Variants in PCDHGA9 observed in about 807,000 individuals in gnomAD.
PCDHGA9 encodes protocadherin gamma-A9.
A neutral mutation model predicts 62.5 loss-of-function variants in PCDHGA9; 37 were observed. The observed-to-expected ratio is 0.59, with a 90% CI of 0.46 to 0.78. PCDHGA9 has a LOEUF of 0.78. Among genes scored for constraint, PCDHGA9 ranks in the 30% least tolerant of loss-of-function variants. PCDHGA9 has a pLI of 0.00. For synonymous variants in PCDHGA9, 459 were observed against 484.6 expected, an observed-to-expected ratio of 0.95 and a Z score of 0.69; for missense variants, 1,138 against 1,166.2, an observed-to-expected ratio of 0.98 and a Z score of 0.35.
At chr5:141,464,000 T>C (rs1045842127) in intron 1 of PCDHGA9, among the ~76,000 whole-genome samples, 15 of 152,158 alleles carry the variant, frequency 9.9e-5, no homozygotes, top group Non-Finnish European at 1.3e-4. Context: ...GTGCAGTGGC[T>C]CATGCTTGTA....
intron 1 of PCDHGA9, among the ~76,000 whole-genome samples, chr5:141,439,341 G>A (rs1464427300): frequency 6.6e-6 from 1 of 152,166 alleles, no homozygotes; most frequent in East Asian, 1.9e-4. Context: ...AAGATTCTAA[G>A]CCTACAAATA....
intron 1 of PCDHGA9, chr5:141,421,256 G>A (rs1205670837): frequency 1.2e-6 from 2 of 1,607,696 alleles, no homozygotes; most frequent in African/African-American, 1.3e-5. Flanking sequence ...CGCGGGGACC[G>A]CAGTCGGCTG....
At chr5:141,415,482 G>A in intron 1 of PCDHGA9, 1 of 1,614,218 alleles carries the variant, frequency 6.2e-7, no homozygotes, top group Non-Finnish European at 8.5e-7. Flanking sequence ...ACTCGCGAAA[G>A]AGTCACCTGA....
intron 3 of PCDHGA9, 89 bp from the exon 4 acceptor site, chr5:141,510,858 T>C (rs992991460): frequency 5.8e-5 from 93 of 1,606,182 alleles, no homozygotes; most frequent in South Asian, 1.0e-4. Flanking sequence ...GGGTGCTGTA[T>C]AGGCATTCAT....
intron 1 of PCDHGA9, chr5:141,418,683 CAG>C: frequency 6.2e-7 from 1 of 1,614,048 alleles, no homozygotes; most frequent in African/African-American, 1.3e-5. Flanking sequence ...GGCATCAACT[CAG>C]AGATCACTTA....
At chr5:141,455,020 G>A (rs201196115) in intron 1 of PCDHGA9, among the ~76,000 whole-genome samples, 1 of 151,166 alleles carries the variant, frequency 6.6e-6, no homozygotes, top group African/African-American at 2.4e-5. Context: ...CACCGTGTTA[G>A]CCAGGATGGT....
chr5:141,450,985 C>T (rs533993975), intron 1 of PCDHGA9, among the ~76,000 whole-genome samples: 22 of 151,876 alleles, frequency 1.4e-4, no homozygotes, highest in African/African-American at 3.9e-4. Flanking sequence ...CCACCACACC[C>T]GGCTAATTTT....
At chr5:141,474,920 C>A (rs1363277892) in intron 1 of PCDHGA9, among the ~76,000 whole-genome samples, 2 of 152,232 alleles carry the variant, frequency 1.3e-5, no homozygotes, top group Admixed American at 6.5e-5. Context: ...TACATCTCAT[C>A]TCTGGCTTAT....
chr5:141,478,445 G>C (rs773567457), intron 1 of PCDHGA9: 1 of 1,613,570 alleles, frequency 6.2e-7, no homozygotes, highest in Non-Finnish European at 8.5e-7. Flanking sequence ...GAAGAAACCT[G>C]GTGCAGCCAG....
intron 1 of PCDHGA9, among the ~76,000 whole-genome samples, chr5:141,454,796 ATTTTTTTTT>A (rs61612330): frequency 1.2e-4 from 9 of 77,408 alleles, no homozygotes; most frequent in Admixed American, 5.4e-4. Context: ...CATGGTTCTA[ATTTTTTTTT>A]TTTTTTTTTT....
intron 1 of PCDHGA9, chr5:141,408,948 T>C (rs768951087): frequency 6.2e-7 from 1 of 1,613,478 alleles, no homozygotes; most frequent in Non-Finnish European, 8.5e-7. Context: ...GAATATAGAA[T>C]TAGTCTTAGT....
intron 1 of PCDHGA9, among the ~76,000 whole-genome samples, chr5:141,474,082 CA>C (rs1449032579): frequency 1.3e-5 from 2 of 151,946 alleles, no homozygotes; most frequent in Non-Finnish European, 2.9e-5. Flanking sequence ...AAACAAAAAC[CA>C]AAAAACAAAC....
chr5:141,478,244 T>C lies in PCDHGA9; in HGVS notation c.2425-16563T>C, dbSNP rs758993366. ...TTCTGTGGGGTTTGTGGTCACAGTG[T>C]TCGGAGTAATCATATTCAAAGTTTA... On this transcript the variant is annotated intron_variant, in intron 1 of 3. Coordinates refer to ENST00000573521, the MANE Select transcript of PCDHGA9 (RefSeq NM_018921.3). 5 of 1,614,132 alleles carry C rather than the reference T, an allele frequency of 3.1e-6. No individual in the cohort carries two copies. In the South Asian group the frequency reaches 4.4e-5, roughly 14 times the overall value.
chr5:141,490,808 A>C lies in PCDHGA9; in HGVS notation c.2425-3999A>C. On this transcript the variant is annotated intron_variant, in intron 1 of 3. Coordinates refer to ENST00000573521, the MANE Select transcript of PCDHGA9 (RefSeq NM_018921.3). The surrounding 1 kb of genome is among the most constrained non-coding windows in gnomAD (Gnocchi z 5.4). The stretch of plus-strand genomic sequence containing the variant: ...CGGATCTTTGCCCAGCGTACCTTTG[A>C]CTATGAATTGCTGCAGATGCTGCAG... 1 of 1,613,884 alleles carries C rather than the reference A, an allele frequency of 6.2e-7. No homozygotes were observed. The highest frequency in any genetic ancestry group is 8.5e-7 in the Non-Finnish European group (1 of 1,179,874).
chr5:141,489,425 G>A lies in PCDHGA9; in HGVS notation c.2425-5382G>A, dbSNP rs779739693. 18 of 1,614,000 alleles carry A rather than the reference G, an allele frequency of 1.1e-5. No homozygotes were observed. Among genetic ancestry groups the A allele is most frequent in the South Asian group, 5.5e-5 (5 of 91,074 alleles). The stretch of plus-strand genomic sequence containing the variant: ...TTAAAGATGACAGATCTGTTGAGCC[G>A]GCGGCTGCAATTGGGCTCTGAGGAG... On this transcript the variant is annotated intron_variant, in intron 1 of 3. Transcript: ENST00000573521. This position sits in a 1 kb window ranked among gnomAD's most constrained non-coding sequence, Gnocchi z 4.5.
intron 1 of PCDHGA9, among the ~76,000 whole-genome samples, chr5:141,480,873 C>A (rs1026513782): frequency 6.6e-6 from 1 of 152,168 alleles, no homozygotes; most frequent in East Asian, 1.9e-4. Context: ...GGTGAAACCC[C>A]GTCTCTACTA....
chr5:141,423,260 G>A (rs1402237346), intron 1 of PCDHGA9: 2 of 1,613,996 alleles, frequency 1.2e-6, no homozygotes, highest in South Asian at 1.1e-5. Flanking sequence ...GACCTCGGCA[G>A]CCTCGAGTCT....
chr5:141,448,955 A>G (rs929888928), intron 1 of PCDHGA9, among the ~76,000 whole-genome samples: 1 of 152,174 alleles, frequency 6.6e-6, no homozygotes. Flanking sequence ...AAAAAAACAA[A>G]CAAACAAACA....
chr5:141,490,412 C>T lies in PCDHGA9; in HGVS notation c.2425-4395C>T, dbSNP rs2233605. 10 of 1,614,062 alleles carry T rather than the reference C, an allele frequency of 6.2e-6. No homozygotes were observed. The highest frequency in any genetic ancestry group is 4.0e-5 in the African/African-American group (3 of 74,910). Reference sequence around the variant, plus strand: ...GGTGAAGTGAGCCTTGATATCTCTCCGGACCTGCCATTTCAGATTAAGCCT... The same window carrying T: ...GGTGAAGTGAGCCTTGATATCTCTCTGGACCTGCCATTTCAGATTAAGCCT... On this transcript the variant is annotated intron_variant, in intron 1 of 3. Transcript: ENST00000573521. This position sits in a 1 kb window ranked among gnomAD's most constrained non-coding sequence, Gnocchi z 5.4.
Sources: allele counts gnomAD v4.1 joint callset (sites outside exome capture counted in the v4.1 genomes callset), GRCh38; gene constraint gnomAD v4.1.1; non-coding constraint Gnocchi (gnomAD v3.1); transcripts MANE v1.5; gene names NCBI Gene and HGNC (gene_info 2026-07-23, HGNC 2026-07-21).